Variants in ATP10B observed in about 807,000 individuals in gnomAD.
ATP10B encodes ATPase phospholipid transporting 10B (putative), also known as phospholipid-transporting ATPase VB.
In ATP10B, 122 loss-of-function variants were observed where a neutral mutation model predicts 141.2. The observed-to-expected ratio is 0.86, with a 90% CI of 0.75 to 1.00. The LOEUF (loss-of-function observed/expected upper bound fraction) is 1.00. Ranked by LOEUF, ATP10B falls within the 50% of genes least tolerant of loss-of-function variation. The pLI is 0.00. For synonymous variants in ATP10B, 685 were observed against 692.0 expected, an observed-to-expected ratio of 0.99 and a Z score of 0.16; for missense variants, 1,876 against 1,825.3, an observed-to-expected ratio of 1.03 and a Z score of -0.51.
intron 21 of ATP10B, 97 bp from the exon 22 acceptor site, chr5:160,599,067 G>A: frequency 9.3e-7 from 1 of 1,077,478 alleles, no homozygotes; most frequent in Non-Finnish European, 1.4e-6. Context: ...AGTGGCAGTT[G>A]CCTCATTTAT....
intron 1 of ATP10B, among the ~76,000 whole-genome samples, chr5:160,840,665 G>A (rs1239718396): frequency 6.6e-6 from 1 of 152,030 alleles, no homozygotes; most frequent in African/African-American, 2.4e-5. Context: ...ATACTAAAAC[G>A]TCCAGATGTG....
chr5:160,758,964 T>C (rs1310188135), intron 2 of ATP10B, among the ~76,000 whole-genome samples: 2 of 152,216 alleles, frequency 1.3e-5, no homozygotes, highest in Non-Finnish European at 2.9e-5. Context: ...AAACCCACAA[T>C]GCAGTAGGAT....
intron 2 of ATP10B, among the ~76,000 whole-genome samples, chr5:160,744,160 C>G (rs1037390078): frequency 1.3e-5 from 2 of 152,112 alleles, no homozygotes; most frequent in Non-Finnish European, 2.9e-5. Flanking sequence ...AATACCTATG[C>G]CTGGTTCCAG....
chr5:160,920,572 G>T, the ATP10B span, among the ~76,000 whole-genome samples: 4 of 152,164 alleles, frequency 2.6e-5, no homozygotes, highest in African/African-American at 9.7e-5. Context: ...AACAAAATGG[G>T]TCCTGTTTAA....
intron 2 of ATP10B, among the ~76,000 whole-genome samples, chr5:160,728,898 A>G (rs1403779722): frequency 6.6e-6 from 1 of 152,216 alleles, no homozygotes; most frequent in East Asian, 1.9e-4. Flanking sequence ...ACAGCAGGAA[A>G]TTGGGTATGT....
chr5:160,784,787 T>C (rs1288127152), intron 2 of ATP10B, among the ~76,000 whole-genome samples: 1 of 152,132 alleles, frequency 6.6e-6, no homozygotes, highest in African/African-American at 2.4e-5. Context: ...GCTTTCCTCT[T>C]AGAGGAAGCA....
chr5:160,652,959 A>G (rs1477648377), intron 7 of ATP10B, among the ~76,000 whole-genome samples: 2 of 85,940 alleles, frequency 2.3e-5, no homozygotes, highest in African/African-American at 1.2e-4. Context: ...TATATTATAT[A>G]TACATGTATA....
rs201646392 is a variant in ATP10B, at chr5:160,796,831, G to GGGGAGGAAA, written c.-575-11037_-575-11029dup. Among the ~76,000 whole-genome samples the GGGGAGGAAA allele has an allele frequency of 7.0e-3, 1,071 of 152,266 alleles. 12 individuals carry two copies. The highest frequency in any genetic ancestry group is 0.024 in the African/African-American group (988 of 41,544). On this transcript the variant is annotated intron_variant, in intron 1 of 25. Coordinates refer to ENST00000327245, the MANE Select transcript of ATP10B (RefSeq NM_025153.3). ...AGGACAAGAAGGGAATCCAGAGGAG[G>GGGGAGGAAA]GGGAGGAAAGGGAGAAAAGGTGGCT...
At chr5:160,651,867 T>C (rs1389655362) in intron 7 of ATP10B, among the ~76,000 whole-genome samples, 2 of 152,116 alleles carry the variant, frequency 1.3e-5, no homozygotes, top group South Asian at 2.1e-4. Flanking sequence ...TCCAAGATGA[T>C]GACAAATCAT....
At chr5:160,575,959 T>C (rs1032776229) in intron 24 of ATP10B, among the ~76,000 whole-genome samples, 4 of 152,226 alleles carry the variant, frequency 2.6e-5, no homozygotes, top group African/African-American at 9.6e-5. Flanking sequence ...CATTCTCCAG[T>C]AGTCCTTTCT....
At position 160,732,266 on chromosome 5, in the gene ATP10B, G is replaced by A. The variant is rs888832991; in HGVS notation, c.-330-15232C>T. On this transcript the variant is annotated intron_variant, in intron 2 of 25. Transcript: ENST00000327245. ...CACTGGACAGATTTAACAGGAGAAT[G>A]GAAATGACAGAGGAAAGAGTTAGTA... Among the ~76,000 whole-genome samples, 3 of 152,184 alleles carry A rather than the reference G, an allele frequency of 2.0e-5. No individual in the cohort carries two copies. In the South Asian group the frequency reaches 6.2e-4, roughly 32 times the overall value.
chr5:160,893,546 A>G, the ATP10B span, among the ~76,000 whole-genome samples: 4 of 152,166 alleles, frequency 2.6e-5, no homozygotes, highest in East Asian at 1.9e-4. Flanking sequence ...AGCAGCCCCA[A>G]TCAAGAGCTT....
At chr5:160,918,681 G>C in the ATP10B span, among the ~76,000 whole-genome samples, 1 of 152,188 alleles carries the variant, frequency 6.6e-6, no homozygotes, top group Admixed American at 6.5e-5. Flanking sequence ...AGTGAAGAGA[G>C]AGGTTGGGTT....
chr5:160,654,054 A>ACG (rs1379406833), intron 7 of ATP10B, among the ~76,000 whole-genome samples: 1 of 136,816 alleles, frequency 7.3e-6, no homozygotes, highest in African/African-American at 2.7e-5. Flanking sequence ...ATATATAAAT[A>ACG]TATGTTGTAT....
At chr5:160,861,353 C>A in the ATP10B span, among the ~76,000 whole-genome samples, 5 of 151,832 alleles carry the variant, frequency 3.3e-5, no homozygotes, top group African/African-American at 9.7e-5. Context: ...GAATAAAAAT[C>A]TCTCCAAAAT....
rs75035598 is a variant in ATP10B, at chr5:160,824,800, G to A, written c.-576+27141C>T. On this transcript the variant is annotated intron_variant, in intron 1 of 25. Transcript: ENST00000327245. The stretch of plus-strand genomic sequence containing the variant: ...ATTGACTGAAACATTGTTATGCAAT[G>A]CATGACTGTGTAAAGGTTTTTCAAT... 6.0e-3 allele frequency among the ~76,000 whole-genome samples: 917 copies of A among 152,236 alleles called. 13 individuals are homozygous for A. Among genetic ancestry groups the A allele is most frequent in the African/African-American group, 0.021 (873 of 41,508 alleles).
At position 160,828,353 on chromosome 5, in the gene ATP10B, C is replaced by G. The variant is rs148500612; in HGVS notation, c.-576+23588G>C. On this transcript the variant is annotated intron_variant, in intron 1 of 25. Transcript: ENST00000327245. ...ATCCAGAATCTACAATGAACTTAAA[C>G]AAATTTACAAGATAAAAACAACCCC... is the stretch of plus-strand genomic sequence containing the variant. 1.0e-3 allele frequency among the ~76,000 whole-genome samples: 159 copies of G among 152,172 alleles called. 2 individuals carry two copies. The East Asian group carries it at 0.026, about 25-fold the overall frequency.
chr5:160,737,775 G>A (rs1305451959), intron 2 of ATP10B, among the ~76,000 whole-genome samples: 2 of 151,890 alleles, frequency 1.3e-5, no homozygotes, highest in Non-Finnish European at 2.9e-5. Context: ...CATAACAATC[G>A]TAAATGTATA....
At chr5:160,577,379 C>T (rs553035876) in intron 24 of ATP10B, among the ~76,000 whole-genome samples, 162 of 152,198 alleles carry the variant, frequency 1.1e-3, no homozygotes, top group Non-Finnish European at 1.4e-3. Context: ...AGGCTTTTAC[C>T]TCATGACTCT....
Sources: gnomAD v4.1 joint callset for allele counts (sites outside exome capture counted in the v4.1 genomes callset) on GRCh38, gnomAD v4.1.1 for gene constraint, MANE v1.5 for transcripts, NCBI Gene and HGNC (gene_info 2026-07-23, HGNC 2026-07-21) for gene names.